Variants in KCNH1 observed in about 807,000 individuals in gnomAD.
KCNH1 encodes voltage-gated delayed rectifier potassium channel KCNH1.
Under a neutral mutation model 69.2 loss-of-function variants are expected in KCNH1, and 27 were observed. The ratio of observed to expected loss-of-function variants is 0.39; its 90% CI spans 0.29 to 0.54. The LOEUF is 0.54. Ranked by LOEUF, KCNH1 falls within the 20% of genes least tolerant of loss-of-function variation. KCNH1 has a pLI of 0.68. For synonymous variants in KCNH1, 456 were observed against 487.7 expected (o/e 0.93, Z 0.86); for missense variants, 798 against 1,261.6 (o/e 0.63, Z 5.57).
At chr1:210,803,267 A>G (rs367718110) in intron 8 of KCNH1, among the ~76,000 whole-genome samples, 1 of 152,118 alleles carries the variant, frequency 6.6e-6, no homozygotes, top group African/African-American at 2.4e-5. Context: ...AAACCCAGCT[A>G]ATTTTTTGTA....
chr1:210,749,891 C>T (rs1041834661), intron 10 of KCNH1, among the ~76,000 whole-genome samples: 1 of 152,094 alleles, frequency 6.6e-6, no homozygotes, highest in African/African-American at 2.4e-5. Flanking sequence ...TACAGGCACA[C>T]ACCACCATGC....
chr1:210,858,575 T>C lies in KCNH1; in HGVS notation c.1463-54409A>G, dbSNP rs148869676. On this transcript the variant is annotated intron_variant, in intron 7 of 10. Coordinates refer to ENST00000271751, the MANE Select transcript of KCNH1 (RefSeq NM_172362.3). Reference sequence around the variant, plus strand: ...GTGCTAACTCATTTACAGAGTTTTATAATCAGTTATGTAGTGCTACAATAA... The same window carrying C: ...GTGCTAACTCATTTACAGAGTTTTACAATCAGTTATGTAGTGCTACAATAA... The C allele has an allele frequency of 9.8e-5, 15 of 152,436 alleles. No individual in the cohort carries two copies. The East Asian group carries it at 2.3e-3, about 24-fold the overall frequency. The allele number at this position is 152,436 out of a possible 1,614,324, so 9.4% of individuals were successfully genotyped here.
intron 5 of KCNH1, among the ~76,000 whole-genome samples, chr1:211,035,016 C>G (rs1243805719): frequency 6.6e-6 from 1 of 152,124 alleles, no homozygotes; most frequent in African/African-American, 2.4e-5. Flanking sequence ...TTAGGCCCTG[C>G]CTGAGTGAGG....
chr1:210,961,220 T>C (rs1688286477), intron 6 of KCNH1, among the ~76,000 whole-genome samples: 1 of 152,130 alleles, frequency 6.6e-6, no homozygotes, highest in Admixed American at 6.6e-5. Context: ...ATATTTTGGC[T>C]AAAAGTTTTC....
chr1:210,820,193 T>G (rs1275689689), intron 7 of KCNH1, among the ~76,000 whole-genome samples: 2 of 152,236 alleles, frequency 1.3e-5, no homozygotes, highest in Non-Finnish European at 2.9e-5. Context: ...ATCAGCATTT[T>G]ATTAACTTGA....
At chr1:210,840,351 G>A (rs1685380167) in intron 7 of KCNH1, among the ~76,000 whole-genome samples, 1 of 152,078 alleles carries the variant, frequency 6.6e-6, no homozygotes, top group Non-Finnish European at 1.5e-5. Flanking sequence ...CAGTCTTTGA[G>A]GTGGCTAAAT....
At chr1:210,800,023 A>G (rs1313854018) in intron 8 of KCNH1, among the ~76,000 whole-genome samples, 1 of 152,224 alleles carries the variant, frequency 6.6e-6, no homozygotes, top group Non-Finnish European at 1.5e-5. Flanking sequence ...AATTAAATGA[A>G]ATTATATCTA....
Position 211,103,593 on chromosome 1 carries a change from A to G in KCNH1, c.213T>C (p.Tyr71=), listed in dbSNP as rs1194677847. The G allele has an allele frequency of 1.2e-6, 2 of 1,609,326 alleles. No individual in the cohort carries two copies. Among genetic ancestry groups the G allele is most frequent in the Non-Finnish European group, 1.7e-6 (2 of 1,177,744 alleles). ...MQKSSTCSFM[Y]GELTDKDTIE... The stretch of plus-strand genomic sequence containing the variant: ...TCGTGTCTTTATCAGTCAGCTCCCC[A>G]TACATAAAACTGCAAACAACCAAAG... The change falls in exon 3 of 11, where the codon TAT becomes TAC. Residue 71 remains tyrosine (Y), a synonymous_variant. Transcript: ENST00000271751.
rs556831533 is a variant in KCNH1 at position 210,842,188 on chromosome 1, A to G, written c.1463-38022T>C. 3.3e-5 allele frequency among the ~76,000 whole-genome samples: 5 copies of G among 152,192 alleles called. No individual in the cohort carries two copies. The South Asian group carries it at 6.2e-4, about 19-fold the overall frequency. ...ACCAGGGCACAAGAACATGTTGCTT[A>G]CCTCCCCTACCATGGTCATGGAAGC... On this transcript the variant is annotated intron_variant, in intron 7 of 10. Transcript: ENST00000271751.
chr1:210,757,872 A>T (rs1204540910), intron 10 of KCNH1, among the ~76,000 whole-genome samples: 1 of 152,238 alleles, frequency 6.6e-6, no homozygotes, highest in African/African-American at 2.4e-5. Flanking sequence ...GGATACCCTT[A>T]GGCAGTGGCC....
At chr1:211,046,137 G>A (rs1159117799) in intron 5 of KCNH1, among the ~76,000 whole-genome samples, 2 of 152,022 alleles carry the variant, frequency 1.3e-5, no homozygotes, top group Non-Finnish European at 2.9e-5. Flanking sequence ...AGATATTTAG[G>A]TTTCTTCCAT....
chr1:210,794,614 C>T (rs941925328), intron 9 of KCNH1, among the ~76,000 whole-genome samples: 1 of 152,194 alleles, frequency 6.6e-6, no homozygotes, highest in African/African-American at 2.4e-5. Flanking sequence ...CCCCACCCCT[C>T]TTCAGCTCCA....
At chr1:210,889,595 G>A (rs1686700560) in intron 7 of KCNH1, among the ~76,000 whole-genome samples, 1 of 152,318 alleles carries the variant, frequency 6.6e-6, no homozygotes, top group South Asian at 2.1e-4. Context: ...TATTCAAATA[G>A]GAAGAGAGGA....
chr1:210,775,658 C>T (rs1463083257), intron 9 of KCNH1, 114 bp from the exon 10 acceptor site: 2 of 698,794 alleles, frequency 2.9e-6, no homozygotes, highest in African/African-American at 1.8e-5. Flanking sequence ...GCAGATTGGG[C>T]TCAGAGAAGG....
chr1:210,687,204 G>A (rs906547297), intron 10 of KCNH1, among the ~76,000 whole-genome samples: 1 of 152,246 alleles, frequency 6.6e-6, no homozygotes, highest in Non-Finnish European at 1.5e-5. Context: ...AGGCTGTACA[G>A]CAAAGGCTTA....
intron 6 of KCNH1, among the ~76,000 whole-genome samples, chr1:210,959,779 C>T (rs771290921): frequency 5.9e-5 from 9 of 152,186 alleles, no homozygotes; most frequent in Non-Finnish European, 8.8e-5. Flanking sequence ...AGTATTTAGG[C>T]GGGAATGTAC....
chr1:211,128,139 A>C (rs978519631), intron 1 of KCNH1, among the ~76,000 whole-genome samples: 2 of 152,042 alleles, frequency 1.3e-5, no homozygotes. Context: ...AAATACAAAA[A>C]TTAGCCAGGC....
chr1:210,743,659 A>G (rs1346751224), intron 10 of KCNH1, among the ~76,000 whole-genome samples: 1 of 152,216 alleles, frequency 6.6e-6, no homozygotes, highest in East Asian at 1.9e-4. Flanking sequence ...CTGCCTATCA[A>G]GAGAAATCTT....
chr1:211,034,436 G>T (rs189709008), intron 5 of KCNH1, among the ~76,000 whole-genome samples: 5 of 149,450 alleles, frequency 3.3e-5, no homozygotes, highest in African/African-American at 4.9e-5. Context: ...AGGAAGGAAG[G>T]GGGTGGGGGG....
Sources: allele counts gnomAD v4.1 joint callset (sites outside exome capture counted in the v4.1 genomes callset), GRCh38; gene constraint gnomAD v4.1.1; transcripts MANE v1.5; gene names NCBI Gene and HGNC (gene_info 2026-07-23, HGNC 2026-07-21).